The following CHST9 variants were observed in gnomAD, a reference collection of about 807,000 sequenced individuals.
CHST9 encodes GalNAc-4-sulfotransferase 2.
Under a neutral mutation model 44.4 loss-of-function variants are expected in CHST9, and 41 were observed. The ratio of observed to expected loss-of-function variants is 0.92; its 90% CI spans 0.72 to 1.20. CHST9 has a LOEUF of 1.20. CHST9 is among the 50% of genes most tolerant of loss of function. The pLI, the probability that CHST9 is intolerant of heterozygous loss-of-function variation, is 0.00. For missense variants in CHST9, 504 were observed against 516.5 expected (o/e 0.98, Z 0.23); for synonymous variants, 171 against 178.4 (o/e 0.96, Z 0.33).
intron 5 of CHST9, among the ~76,000 whole-genome samples, chr18:26,927,132 C>A (rs1284054425): frequency 6.6e-6 from 1 of 152,162 alleles, no homozygotes; most frequent in Non-Finnish European, 1.5e-5. Flanking sequence ...TATACAGTTG[C>A]TAGACAGAGT....
At chr18:27,037,034 CA>C (rs1380647332) in intron 3 of CHST9, among the ~76,000 whole-genome samples, 2 of 152,156 alleles carry the variant, frequency 1.3e-5, no homozygotes, top group Non-Finnish European at 2.9e-5. Context: ...GCTTATTGGG[CA>C]CATTTGTTTT....
chr18:26,939,674 C>A (rs545768656), intron 5 of CHST9, among the ~76,000 whole-genome samples: 1 of 152,232 alleles, frequency 6.6e-6, no homozygotes, highest in Admixed American at 6.5e-5. Context: ...GCTTAAGAAG[C>A]CCTGCTGTCC....
At chr18:27,001,952 G>A (rs1321241453) in intron 4 of CHST9, among the ~76,000 whole-genome samples, 1 of 152,002 alleles carries the variant, frequency 6.6e-6, no homozygotes, top group Non-Finnish European at 1.5e-5. Flanking sequence ...CTAAACTCAG[G>A]GCCAAGCATA....
intron 2 of CHST9, among the ~76,000 whole-genome samples, chr18:27,103,167 T>C (rs570319228): frequency 2.1e-4 from 32 of 152,302 alleles, no homozygotes; most frequent in Middle Eastern, 6.8e-3. Flanking sequence ...CCTTTTATTG[T>C]TAAAATGAGT....
intron 2 of CHST9, among the ~76,000 whole-genome samples, chr18:27,123,218 CA>C (rs531999154): frequency 2.0e-3 from 305 of 152,210 alleles, no homozygotes; most frequent in African/African-American, 6.9e-3. Context: ...ATATGGGGAC[CA>C]TTGGATCCAC....
At chr18:27,153,801 C>T (rs2058678137) in intron 1 of CHST9, among the ~76,000 whole-genome samples, 1 of 152,248 alleles carries the variant, frequency 6.6e-6, no homozygotes, top group Non-Finnish European at 1.5e-5. Context: ...TGACTCAGGG[C>T]TTCCCAGGCT....
chr18:26,974,258 G>T (rs984519086), intron 4 of CHST9, among the ~76,000 whole-genome samples: 1 of 152,242 alleles, frequency 6.6e-6, no homozygotes, highest in African/African-American at 2.4e-5. Context: ...AGTGGACACA[G>T]GCAGGCATGG....
intron 2 of CHST9, among the ~76,000 whole-genome samples, chr18:27,076,284 G>A (rs1238165499): frequency 6.6e-6 from 1 of 152,120 alleles, no homozygotes; most frequent in East Asian, 1.9e-4. Context: ...AGCAGTAGCA[G>A]TAACTCTATC....
intron 4 of CHST9, among the ~76,000 whole-genome samples, chr18:27,004,548 C>T (rs1276368312): frequency 2.0e-5 from 3 of 151,886 alleles, no homozygotes; most frequent in Non-Finnish European, 4.4e-5. Context: ...GTATTTTTTC[C>T]CTCTCTTGGA....
chr18:27,119,952 G>A (rs2058360792), intron 2 of CHST9, among the ~76,000 whole-genome samples: 1 of 152,048 alleles, frequency 6.6e-6, no homozygotes, highest in Admixed American at 6.6e-5. Flanking sequence ...AGTCACACAA[G>A]TAAATTAATG....
intron 4 of CHST9, among the ~76,000 whole-genome samples, chr18:26,997,883 A>G (rs2056904305): frequency 6.6e-6 from 1 of 152,200 alleles, no homozygotes; most frequent in Non-Finnish European, 1.5e-5. Flanking sequence ...CCATTTACAT[A>G]TACTCTCTGC....
At chr18:27,068,199 C>T (rs751315591) in intron 2 of CHST9, among the ~76,000 whole-genome samples, 1 of 151,952 alleles carries the variant, frequency 6.6e-6, no homozygotes, top group Non-Finnish European at 1.5e-5. Flanking sequence ...TCTGTCCTTC[C>T]CATTTATTAA....
chr18:27,088,005 CT>C (rs2058029675), intron 2 of CHST9, among the ~76,000 whole-genome samples: 1 of 152,186 alleles, frequency 6.6e-6, no homozygotes, highest in Non-Finnish European at 1.5e-5. Context: ...CCAAACGCTC[CT>C]TTTCAAAGAC....
intron 4 of CHST9, among the ~76,000 whole-genome samples, chr18:27,022,006 A>C (rs952077043): frequency 6.6e-6 from 1 of 152,200 alleles, no homozygotes; most frequent in Non-Finnish European, 1.5e-5. Flanking sequence ...TATAAACAAG[A>C]GCTCAGTGAG....
chr18:27,164,822 C>T (rs2058777502), intron 1 of CHST9, among the ~76,000 whole-genome samples: 1 of 152,090 alleles, frequency 6.6e-6, no homozygotes, highest in Non-Finnish European at 1.5e-5. Flanking sequence ...AGCAAGAATG[C>T]CTTCAAAATT....
intron 1 of CHST9, among the ~76,000 whole-genome samples, chr18:27,149,936 T>A (rs1223289749): frequency 6.6e-6 from 1 of 152,126 alleles, no homozygotes; most frequent in South Asian, 2.1e-4. Context: ...TTGAAAATCA[T>A]CCTTTATCTC....
rs189214491 is a variant in CHST9, at chr18:27,138,516, C to A, written c.121+4173G>T. On this transcript the variant is annotated intron_variant, in intron 2 of 5. Transcript: ENST00000618847. The stretch of plus-strand genomic sequence containing the variant: ...CTAAGCCTTCATTTTTTTTTTAAAC[C>A]TTACTCAGTCAAGGCACAAGCTTGG... Among the ~76,000 whole-genome samples, 245 of 151,846 alleles carry A rather than the reference C, an allele frequency of 1.6e-3. 1 individual carries two copies. Among genetic ancestry groups the A allele is most frequent in the African/African-American group, 5.6e-3 (231 of 41,430 alleles).
At chr18:26,990,323 C>G (rs2056801522) in intron 4 of CHST9, among the ~76,000 whole-genome samples, 1 of 152,142 alleles carries the variant, frequency 6.6e-6, no homozygotes, top group Admixed American at 6.5e-5. Context: ...TTTTAAAAAG[C>G]TAATGGCATA....
chr18:27,068,523 G>A (rs909597038), intron 2 of CHST9, among the ~76,000 whole-genome samples: 1 of 152,048 alleles, frequency 6.6e-6, no homozygotes, highest in East Asian at 1.9e-4. Context: ...CTTTGTGTAC[G>A]TTACATGTGT....
Sources: gnomAD v4.1 joint callset for allele counts (sites outside exome capture counted in the v4.1 genomes callset) on GRCh38, gnomAD v4.1.1 for gene constraint, MANE v1.5 for transcripts, NCBI Gene and HGNC (gene_info 2026-07-23, HGNC 2026-07-21) for gene names.